The following ANKRD12 variants were observed in gnomAD, a reference collection of about 807,000 sequenced individuals.
The protein encoded by ANKRD12 is ankyrin repeat domain-containing protein 12.
A neutral mutation model predicts 183.4 loss-of-function variants in ANKRD12; 85 were observed. The ratio of observed to expected loss-of-function variants is 0.46; its 90% CI spans 0.39 to 0.56. The LOEUF is 0.56. Among genes scored for constraint, ANKRD12 ranks in the 20% least tolerant of loss-of-function variants. The pLI is 0.00. For synonymous variants in ANKRD12, 914 were observed against 800.2 expected (o/e 1.14, Z -2.40); for missense variants, 2,405 against 2,357.1 (o/e 1.02, Z -0.42).
chr18:9,261,922 G>A (rs994430759), intron 9 of ANKRD12, among the ~76,000 whole-genome samples: 36 of 152,094 alleles, frequency 2.4e-4, no homozygotes, highest in African/African-American at 8.0e-4. Flanking sequence ...AGGCCTATAT[G>A]GTTTTCCAAA....
At chr18:9,271,783 C>A (rs536920045) in intron 10 of ANKRD12, among the ~76,000 whole-genome samples, 34 of 152,246 alleles carry the variant, frequency 2.2e-4, no homozygotes, top group Non-Finnish European at 3.5e-4. Context: ...TATGATTCTA[C>A]TGTGGTTTGT....
chr18:9,257,442 C>G lies in ANKRD12; in HGVS notation c.4175C>G (p.Thr1392Ser), dbSNP rs778924159. 4.3e-6 allele frequency: 7 copies of G among 1,614,090 alleles called. No individual in the cohort carries two copies. The South Asian group carries it at 7.7e-5, about 18-fold the overall frequency. The change falls in exon 9 of 13, where the codon ACT (threonine) becomes AGT (serine). Residue 1392 changes from threonine to serine, a missense_variant. Physicochemically the swap from Thr to Ser is moderately conservative, Grantham distance 58. Coordinates refer to ENST00000262126, the MANE Select transcript of ANKRD12 (RefSeq NM_015208.5). ...GCTGATAGAAATCTCATCAAGAATA[C>G]TGCCCCAGTGAACACTGTAATGGAC... The part of the protein sequence containing the change: ...VSADRNLIKN[T>S]APVNTVMDSP...
chr18:9,222,285 T>G (rs935164774), intron 8 of ANKRD12, among the ~76,000 whole-genome samples: 2 of 152,172 alleles, frequency 1.3e-5, no homozygotes, highest in Admixed American at 6.5e-5. Flanking sequence ...CCTCTCCCCA[T>G]GCAGAGCTAC....
At chr18:9,146,655 T>A (rs1598387091) in intron 1 of ANKRD12, among the ~76,000 whole-genome samples, 8 of 152,350 alleles carry the variant, frequency 5.3e-5, no homozygotes, top group Admixed American at 5.2e-4. Context: ...TCTGTTCTGG[T>A]CCCTCATTAC....
chr18:9,206,666 C>T (rs1301374932), intron 4 of ANKRD12, among the ~76,000 whole-genome samples: 1 of 151,948 alleles, frequency 6.6e-6, no homozygotes, highest in South Asian at 2.1e-4. Context: ...GCATCTGATT[C>T]GAATTTTGTT....
At chr18:9,188,618 T>C (rs1270346496) in intron 2 of ANKRD12, among the ~76,000 whole-genome samples, 1 of 152,248 alleles carries the variant, frequency 6.6e-6, no homozygotes, top group East Asian at 1.9e-4. Context: ...TTTTTACAAA[T>C]TGAAGGTTAG....
At chr18:9,181,055 T>C (rs947656624) in intron 1 of ANKRD12, among the ~76,000 whole-genome samples, 1 of 152,332 alleles carries the variant, frequency 6.6e-6, no homozygotes, top group East Asian at 1.9e-4. Context: ...AATTATTGTT[T>C]ATACGTTAAT....
intron 10 of ANKRD12, among the ~76,000 whole-genome samples, chr18:9,264,232 G>A (rs772449881): frequency 2.0e-5 from 3 of 152,094 alleles, no homozygotes; most frequent in Non-Finnish European, 4.4e-5. Flanking sequence ...AAGGCAAAAG[G>A]GCAAAATACT....
In ANKRD12 at chr18:9,254,215, C is replaced by G. The variant is rs756943793; in HGVS notation, c.948C>G (p.Ser316=). ...LSDDDESYTD[S]EEAQSVNPSS... ...ATTTTCTTTTTTTTATTCTAGATTCCGAAGAGGCTCAATCTGTAAATCCTT... is the reference window on the plus strand; with the variant it reads ...ATTTTCTTTTTTTTATTCTAGATTCGGAAGAGGCTCAATCTGTAAATCCTT... Residue 316 remains serine, a synonymous_variant, in exon 9 of 13, where the codon TCC becomes TCG. Coordinates refer to ENST00000262126, the MANE Select transcript of ANKRD12 (RefSeq NM_015208.5). 2.0e-6 allele frequency: 3 copies of G among 1,522,934 alleles called. No individual in the cohort carries two copies. In the East Asian group the frequency reaches 7.1e-5, roughly 36 times the overall value. The allele number at this position is 1,522,934 out of a possible 1,614,324, so 94.3% of individuals were successfully genotyped here.
At chr18:9,275,095 G>T (rs1414019080) in intron 10 of ANKRD12, among the ~76,000 whole-genome samples, 2 of 152,120 alleles carry the variant, frequency 1.3e-5, no homozygotes, top group East Asian at 3.9e-4. Context: ...GAAGGCTGAG[G>T]TGGAAAGATT....
chr18:9,145,629 C>T (rs1424839079), intron 1 of ANKRD12, among the ~76,000 whole-genome samples: 8 of 151,804 alleles, frequency 5.3e-5, no homozygotes, highest in Non-Finnish European at 8.8e-5. Flanking sequence ...ATGAGAATCA[C>T]CTCAGTGCCA....
chr18:9,173,014 C>T (rs1418177059), intron 1 of ANKRD12, among the ~76,000 whole-genome samples: 1 of 151,548 alleles, frequency 6.6e-6, no homozygotes, highest in Non-Finnish European at 1.5e-5. Context: ...ATTTCAGTCT[C>T]CTAAAGTGCT....
At chr18:9,178,084 C>T (rs1009751670) in intron 1 of ANKRD12, among the ~76,000 whole-genome samples, 2 of 152,256 alleles carry the variant, frequency 1.3e-5, no homozygotes, top group African/African-American at 2.4e-5. Flanking sequence ...TTTTCATTTT[C>T]TTAACACCTT....
intron 1 of ANKRD12, among the ~76,000 whole-genome samples, chr18:9,138,601 C>T (rs887984110): frequency 5.9e-5 from 9 of 152,202 alleles, no homozygotes; most frequent in Non-Finnish European, 1.3e-4. Context: ...ATCTGAGTTT[C>T]TTTAATCGTT....
At chr18:9,189,643 C>T (rs1267678252) in intron 2 of ANKRD12, among the ~76,000 whole-genome samples, 3 of 152,150 alleles carry the variant, frequency 2.0e-5, no homozygotes, top group East Asian at 1.9e-4. Flanking sequence ...GCAAAAACGC[C>T]AAGACCCATA....
chr18:9,269,330 G>A (rs2039473554), intron 10 of ANKRD12, among the ~76,000 whole-genome samples: 1 of 152,146 alleles, frequency 6.6e-6, no homozygotes, highest in Non-Finnish European at 1.5e-5. Context: ...TAAGCCAAAA[G>A]AACAAAGCTG....
intron 8 of ANKRD12, among the ~76,000 whole-genome samples, chr18:9,234,592 G>A (rs547938335): frequency 5.7e-4 from 86 of 152,212 alleles, no homozygotes; most frequent in African/African-American, 1.6e-3. Context: ...TAGTCCTCTG[G>A]GTGGAGACTG....
chr18:9,246,725 T>A (rs2037984826), intron 8 of ANKRD12, among the ~76,000 whole-genome samples: 1 of 152,264 alleles, frequency 6.6e-6, no homozygotes, highest in Non-Finnish European at 1.5e-5. Flanking sequence ...AAGTTTTTAA[T>A]TTACATGATA....
chr18:9,220,656 A>G (rs1450250167), intron 7 of ANKRD12, among the ~76,000 whole-genome samples: 1 of 152,178 alleles, frequency 6.6e-6, no homozygotes, highest in Non-Finnish European at 1.5e-5. Context: ...TTTGTATTAA[A>G]ATACACATAG....
Sources: gnomAD v4.1 joint callset for allele counts (sites outside exome capture counted in the v4.1 genomes callset) on GRCh38, gnomAD v4.1.1 for gene constraint, MANE v1.5 for transcripts, NCBI Gene and HGNC (gene_info 2026-07-23, HGNC 2026-07-21) for gene names.